DMD: variants seen among roughly 807,000 people sequenced by gnomAD.
DMD encodes dystrophin.
In DMD, 63 loss-of-function variants were observed where a neutral mutation model predicts 330.1. That is an observed-to-expected ratio of 0.19 (90% CI 0.16 to 0.24). The LOEUF is 0.24. Ranked by LOEUF, DMD falls within the 10% of genes least tolerant of loss-of-function variation. The pLI is 1.00. For synonymous variants in DMD, 1,223 were observed against 959.8 expected (o/e 1.27, Z -5.07); for missense variants, 3,344 against 2,684.1 (o/e 1.25, Z -5.43).
intron 74 of DMD, among the ~76,000 whole-genome samples, chrX:31,150,411 G>C (rs1322130816): frequency 8.9e-6 from 1 of 111,911 alleles, no homozygotes; most frequent in East Asian, 2.8e-4. Flanking sequence ...GGTCCCAAAT[G>C]CTTTAGGATT....
rs186457964 is a variant in DMD at position 32,547,015 on chromosome X, T to A, written c.1993-1681A>T. The stretch of plus-strand genomic sequence containing the variant: ...TTTTTAACCATGAGAAAACTTGCTT[T>A]GCAAAGAAAATGCAGTTTTTAGTAG... On this transcript the variant is annotated intron_variant, in intron 16 of 78. Coordinates refer to ENST00000357033, the MANE Select transcript of DMD (RefSeq NM_004006.3). Among the ~76,000 whole-genome samples, 357 of 109,449 alleles carry A rather than the reference T, an allele frequency of 3.3e-3. 1 individual carries two copies. The highest frequency in any genetic ancestry group is 7.5e-3 in the African/African-American group (227 of 30,115).
At chrX:31,380,969 C>T (rs2060151060) in intron 60 of DMD, among the ~76,000 whole-genome samples, 1 of 111,315 alleles carries the variant, frequency 9.0e-6, no homozygotes, top group African/African-American at 3.3e-5. Context: ...GCTCTCCCTG[C>T]TGATCATGTC....
At chrX:32,325,912 G>A (rs1208158853) in intron 41 of DMD, among the ~76,000 whole-genome samples, 1 of 107,529 alleles carries the variant, frequency 9.3e-6, no homozygotes, top group South Asian at 4.0e-4. Context: ...CAATTTATAA[G>A]CAACTAATTA....
chrX:32,623,907 C>T (rs1030013731), intron 11 of DMD, among the ~76,000 whole-genome samples: 1 of 111,911 alleles, frequency 8.9e-6, no homozygotes, highest in Non-Finnish European at 1.9e-5. Context: ...AAATCACAAA[C>T]CCTGTGTGAC....
At chrX:32,435,588 T>TG (rs1445694913) in intron 29 of DMD, among the ~76,000 whole-genome samples, 2 of 110,715 alleles carry the variant, frequency 1.8e-5, no homozygotes, top group Non-Finnish European at 3.8e-5. Context: ...CCTTTCAACA[T>TG]GATCCTGTTT....
intron 47 of DMD, among the ~76,000 whole-genome samples, chrX:31,923,624 A>G (rs1368363852): frequency 3.5e-5 from 3 of 86,820 alleles, no homozygotes; most frequent in Non-Finnish European, 6.4e-5. Flanking sequence ...TTTGAGATAG[A>G]GTCTTGCTCT....
chrX:31,615,477 A>G (rs2148331009), intron 55 of DMD, among the ~76,000 whole-genome samples: 1 of 111,958 alleles, frequency 8.9e-6, no homozygotes, highest in African/African-American at 3.2e-5. Flanking sequence ...TTGGTGTCTG[A>G]TTGAAAGAGA....
intron 6 of DMD, among the ~76,000 whole-genome samples, chrX:32,811,480 T>C (rs2077366704): frequency 8.9e-6 from 1 of 112,412 alleles, no homozygotes; most frequent in Non-Finnish European, 1.9e-5. Context: ...TTTCTCTGTG[T>C]ATCTTTCTCT....
chrX:31,143,298 A>G (rs1276942611), intron 76 of DMD, among the ~76,000 whole-genome samples: 3 of 110,425 alleles, frequency 2.7e-5, no homozygotes, highest in Non-Finnish European at 5.7e-5. Flanking sequence ...GTGAGTTCGC[A>G]TAAGATCTGA....
intron 9 of DMD, among the ~76,000 whole-genome samples, chrX:32,681,445 C>T (rs928178382): frequency 7.2e-5 from 8 of 111,662 alleles, no homozygotes; most frequent in Non-Finnish European, 1.3e-4. Flanking sequence ...TTCTTTTATA[C>T]GTAACTCTTC....
intron 2 of DMD, among the ~76,000 whole-genome samples, chrX:32,877,606 C>A (rs982759342): frequency 2.7e-5 from 3 of 111,933 alleles, no homozygotes; most frequent in African/African-American, 9.7e-5. Flanking sequence ...CTTCTGCGTG[C>A]CCACCTCCTT....
Position 32,644,279 on chromosome X carries a change from C to T in DMD, c.1184G>A (p.Arg395Gln), listed in dbSNP as rs148511512. Residue 395 changes from arginine (R) to glutamine (Q), a missense_variant, in exon 11 of 79, where the codon CGG becomes CAG. By Grantham distance (43) the Arg-to-Gln change is conservative. Transcript: ENST00000357033. ...YMMDLTAHQG[R>Q]VGNILQLGSK... ...TCCCAATTGTAGAATATTACCAACC[C>T]GGCCCTGATGGGCTGTCAAATCCAT... 186 of 1,209,024 alleles carry T rather than the reference C, an allele frequency of 1.5e-4. No homozygotes were observed. The East Asian group carries it at 5.1e-3, about 33-fold the overall frequency.
At chrX:32,258,332 A>T (rs1450389881) in intron 43 of DMD, among the ~76,000 whole-genome samples, 1 of 112,065 alleles carries the variant, frequency 8.9e-6, no homozygotes. Flanking sequence ...CCAAAGTATT[A>T]TAAATCATTC....
intron 9 of DMD, among the ~76,000 whole-genome samples, chrX:32,657,721 A>G (rs949772716): frequency 7.1e-5 from 8 of 112,155 alleles, no homozygotes; most frequent in Non-Finnish European, 1.5e-4. Flanking sequence ...GATTTTGTAA[A>G]AGTACTAAAT....
At chrX:33,142,364 C>T (rs746258885) in intron 1 of DMD, among the ~76,000 whole-genome samples, 5 of 113,067 alleles carry the variant, frequency 4.4e-5, no homozygotes, top group East Asian at 5.6e-4. Context: ...GGATTACAGG[C>T]GTGAGCCGCT....
chrX:32,642,026 A>AT (rs201017064), intron 11 of DMD, among the ~76,000 whole-genome samples: 1,115 of 110,203 alleles, frequency 0.01, 13 homozygotes, highest in African/African-American at 0.036. Flanking sequence ...AATAATGACA[A>AT]TACCCTCTTT....
intron 44 of DMD, among the ~76,000 whole-genome samples, chrX:32,208,662 G>A (rs1448076946): frequency 1.8e-5 from 2 of 111,991 alleles, no homozygotes; most frequent in African/African-American, 3.2e-5. Context: ...TGCTTTAGAC[G>A]TTGTGCCTTA....
At chrX:32,565,589 CA>C (rs2051604034) in intron 16 of DMD, 112 bp downstream of exon 16, 7 of 772,341 alleles carry the variant, frequency 9.1e-6, no homozygotes, top group Non-Finnish European at 1.2e-5. Context: ...TAACTAAACA[CA>C]GGGCAAAAAC....
intron 37 of DMD, among the ~76,000 whole-genome samples, chrX:32,361,766 C>A (rs2097836061): frequency 9.0e-6 from 1 of 111,085 alleles, no homozygotes; most frequent in Admixed American, 9.6e-5. Flanking sequence ...TCTATTTTTC[C>A]AGGAATCAAT....
Sources: gnomAD v4.1 joint callset for allele counts (sites outside exome capture counted in the v4.1 genomes callset) on GRCh38, gnomAD v4.1.1 for gene constraint, MANE v1.5 for transcripts, NCBI Gene and HGNC (gene_info 2026-07-23, HGNC 2026-07-21) for gene names.